The following MAD1L1 variants were observed in gnomAD, a reference collection of about 807,000 sequenced individuals.
The protein encoded by MAD1L1 is mitotic spindle assembly checkpoint protein MAD1.
In MAD1L1, 95 loss-of-function variants were observed where a neutral mutation model predicts 96.9. The ratio of observed to expected loss-of-function variants is 0.98; its 90% CI spans 0.83 to 1.16. The LOEUF is 1.16. Ranked by LOEUF, MAD1L1 falls within the 50% of genes most tolerant of loss-of-function variation. MAD1L1 has a pLI of 0.00. For synonymous variants in MAD1L1, 473 were observed against 396.6 expected (o/e 1.19, Z -2.29); for missense variants, 1,007 against 954.4 (o/e 1.06, Z -0.73).
intron 10 of MAD1L1, among the ~76,000 whole-genome samples, chr7:2,167,159 G>A (rs1790469611): frequency 6.6e-6 from 1 of 152,198 alleles, no homozygotes; most frequent in African/African-American, 2.4e-5. Context: ...CGGAGGTGCT[G>A]CTGCAAGTGG....
intron 17 of MAD1L1, among the ~76,000 whole-genome samples, chr7:1,917,528 G>GGA (rs1788487760): frequency 6.6e-6 from 1 of 152,246 alleles, no homozygotes; most frequent in Non-Finnish European, 1.5e-5. Flanking sequence ...GGATGTGTCA[G>GGA]GCACTGAAGA....
At chr7:2,231,627 TA>T (rs202214013) in intron 1 of MAD1L1, among the ~76,000 whole-genome samples, 19 of 149,928 alleles carry the variant, frequency 1.3e-4, no homozygotes, top group East Asian at 1.9e-4. Flanking sequence ...AATAATTAAT[TA>T]AAAAAAAAAT....
chr7:2,231,281 G>A (rs1794178205), intron 1 of MAD1L1, among the ~76,000 whole-genome samples: 1 of 152,034 alleles, frequency 6.6e-6, no homozygotes, highest in African/African-American at 2.4e-5. Flanking sequence ...CTGGGTAACG[G>A]GGTGAGACAG....
chr7:2,224,361 G>A (rs1328889507), intron 4 of MAD1L1, among the ~76,000 whole-genome samples: 1 of 151,992 alleles, frequency 6.6e-6, no homozygotes, highest in Non-Finnish European at 1.5e-5. Context: ...TCCCTCCTAG[G>A]ACCCACCCAG....
chr7:2,219,680 G>A (rs1793490862), intron 5 of MAD1L1, among the ~76,000 whole-genome samples: 1 of 147,606 alleles, frequency 6.8e-6, no homozygotes, highest in Admixed American at 6.7e-5. Context: ...GGGGGGCAGA[G>A]GGCAGGGGGA....
Position 1,904,515 on chromosome 7 carries a change from C to T in MAD1L1, c.1808-6125G>A, listed in dbSNP as rs1403504760. On this transcript the variant is annotated intron_variant, in intron 17 of 18. Coordinates refer to ENST00000265854, the MANE Select transcript of MAD1L1 (RefSeq NM_001013836.2). ...CAGTGGCCTATGGAAGATGCTCTTG[C>T]GGAACTCATGATTGATCAAGCACTG... is the stretch of plus-strand genomic sequence containing the variant. Among the ~76,000 whole-genome samples the T allele has an allele frequency of 2.6e-4, 34 of 128,686 alleles. 1 individual carries two copies. The highest frequency in any genetic ancestry group is 5.6e-4 in the South Asian group (2 of 3,602). 84.4% of individuals were successfully genotyped at this position (128,686 alleles called of 152,430 possible).
intron 13 of MAD1L1, among the ~76,000 whole-genome samples, chr7:2,011,618 C>T (rs1782305657): frequency 6.6e-6 from 1 of 151,366 alleles, no homozygotes; most frequent in African/African-American, 2.5e-5. Flanking sequence ...CTCTCCCAGG[C>T]TCCTGGGAGG....
chr7:1,928,846 T>C (rs780070549), intron 17 of MAD1L1, among the ~76,000 whole-genome samples: 1 of 152,094 alleles, frequency 6.6e-6, no homozygotes, highest in Non-Finnish European at 1.5e-5. Context: ...GCCAGGCCAA[T>C]GGGTAGCTCT....
rs115253397 is a variant in MAD1L1 at position 1,897,106 on chromosome 7, G to A, written c.1998+1094C>T. Among the ~76,000 whole-genome samples the A allele has an allele frequency of 8.3e-3, 1,259 of 152,388 alleles. 15 individuals are homozygous for A. The highest frequency in any genetic ancestry group is 0.029 in the African/African-American group (1,205 of 41,592). On this transcript the variant is annotated intron_variant, in intron 18 of 18. Transcript: ENST00000265854. ...AGAGCAAGCCCGGCACGGTGCCCCC[G>A]TGCAGCGCAGGCTGTGAAGACGGGC...
At chr7:2,203,385 C>T (rs1792416821) in intron 10 of MAD1L1, among the ~76,000 whole-genome samples, 1 of 152,246 alleles carries the variant, frequency 6.6e-6, no homozygotes, top group South Asian at 2.1e-4. Flanking sequence ...AGCACACCAC[C>T]CCCATTAGGT....
chr7:2,004,577 C>A (rs1243855741), intron 13 of MAD1L1, among the ~76,000 whole-genome samples: 1 of 152,230 alleles, frequency 6.6e-6, no homozygotes, highest in East Asian at 1.9e-4. Flanking sequence ...TGCCTCCCGA[C>A]ACAGAATCAC....
rs758206342 is a variant in MAD1L1, at chr7:2,116,567, T to TGGA, written c.1073+32584_1073+32585insTCC. On this transcript the variant is annotated intron_variant, in intron 11 of 18. Transcript: ENST00000265854. Reference sequence around the variant, plus strand: ...ACCCACACGTGGCAGGCCAGAGGGTTGGGGGGGGGGGGGGCTCCTGTGTGT... The same window carrying TGGA: ...ACCCACACGTGGCAGGCCAGAGGGTTGGAGGGGGGGGGGGGGGCTCCTGTGTGT... Among the ~76,000 whole-genome samples the TGGA allele has an allele frequency of 3.8e-3, 138 of 35,888 alleles. 5 individuals are homozygous for TGGA. The highest frequency in any genetic ancestry group is 0.021 in the Middle Eastern group (1 of 48). 23.5% of individuals were successfully genotyped at this position (35,888 alleles called of 152,430 possible).
At chr7:1,826,992 TCC>T (rs1782426879) in intron 18 of MAD1L1, among the ~76,000 whole-genome samples, 1 of 152,024 alleles carries the variant, frequency 6.6e-6, no homozygotes, top group Admixed American at 6.5e-5. Context: ...TTTATACAGC[TCC>T]CCCTCGCACA....
At chr7:1,886,015 A>G (rs896611572) in intron 18 of MAD1L1, among the ~76,000 whole-genome samples, 1 of 152,002 alleles carries the variant, frequency 6.6e-6, no homozygotes, top group Non-Finnish European at 1.5e-5. Flanking sequence ...CCTCCACCCC[A>G]CGACCGCCCC....
At chr7:1,984,876 A>G (rs2128486003) in intron 14 of MAD1L1, among the ~76,000 whole-genome samples, 1 of 152,150 alleles carries the variant, frequency 6.6e-6, no homozygotes, top group Non-Finnish European at 1.5e-5. Context: ...TGGCCTTTTT[A>G]ATCTAGTTTA....
chr7:1,827,254 G>A (rs1046805374), intron 18 of MAD1L1, among the ~76,000 whole-genome samples: 3 of 152,250 alleles, frequency 2.0e-5, no homozygotes, highest in Non-Finnish European at 2.9e-5. Flanking sequence ...GACTGGCCCC[G>A]AGGGCAGCAG....
intron 17 of MAD1L1, 138 bp from the exon 18 acceptor site, chr7:1,898,528 A>G: frequency 1.5e-6 from 1 of 667,552 alleles, no homozygotes; most frequent in Non-Finnish European, 2.6e-6. Flanking sequence ...CCCCCGTGTC[A>G]CACCAGCCAG....
chr7:2,071,055 G>C (rs1457797634), intron 11 of MAD1L1, among the ~76,000 whole-genome samples: 1 of 152,034 alleles, frequency 6.6e-6, no homozygotes, highest in Admixed American at 6.6e-5. Flanking sequence ...GGAAGGGAAA[G>C]CTTCATCCCA....
chr7:1,890,180 C>G (rs942567732), intron 18 of MAD1L1, among the ~76,000 whole-genome samples: 2 of 152,216 alleles, frequency 1.3e-5, no homozygotes, highest in African/African-American at 4.8e-5. Context: ...GGGTCTCACC[C>G]CAGGACCACG....
Sources: allele counts gnomAD v4.1 joint callset (sites outside exome capture counted in the v4.1 genomes callset), GRCh38; gene constraint gnomAD v4.1.1; transcripts MANE v1.5; gene names NCBI Gene and HGNC (gene_info 2026-07-23, HGNC 2026-07-21).